The following PTPRD variants were observed in gnomAD, a reference collection of about 807,000 sequenced individuals.
The protein encoded by PTPRD is receptor-type tyrosine-protein phosphatase delta.
PTPRD carries 34 observed loss-of-function variants against 214.5 expected under a neutral mutation model. The ratio of observed to expected loss-of-function variants is 0.16; its 90% confidence interval spans 0.12 to 0.21. PTPRD has a LOEUF of 0.21. Ranked by LOEUF, PTPRD falls within the 10% of genes least tolerant of loss-of-function variation. PTPRD has a pLI of 1.00. For missense variants in PTPRD, 2,545 were observed against 2,398.7 expected (o/e 1.06, Z -1.27); for synonymous variants, 1,128 against 845.7 (o/e 1.33, Z -5.79).
intron 9 of PTPRD, among the ~76,000 whole-genome samples, chr9:9,205,248 C>G (rs2099944129): frequency 6.6e-6 from 1 of 152,108 alleles, no homozygotes; most frequent in African/African-American, 2.4e-5. Flanking sequence ...CATGTTGAAA[C>G]ATTAAGTAAA....
At chr9:9,111,088 T>C (rs1436070214) in intron 10 of PTPRD, among the ~76,000 whole-genome samples, 1 of 151,896 alleles carries the variant, frequency 6.6e-6, no homozygotes, top group Non-Finnish European at 1.5e-5. Flanking sequence ...GAAGTTAAAG[T>C]GAGCTATCTA....
At chr9:8,709,781 G>T (rs1282863094) in intron 12 of PTPRD, among the ~76,000 whole-genome samples, 1 of 152,046 alleles carries the variant, frequency 6.6e-6, no homozygotes, top group Admixed American at 6.6e-5. Flanking sequence ...CCAAATACAG[G>T]AATCAAAGAG....
rs199672347 is a variant in PTPRD at position 10,562,329 on chromosome 9, CT to C, written c.-600+50068del. Among the ~76,000 whole-genome samples, 1,393 of 144,720 alleles carry C rather than the reference CT, an allele frequency of 9.6e-3. 13 individuals carry two copies. Among genetic ancestry groups the C allele is most frequent in the African/African-American group, 0.022 (884 of 39,844 alleles). 94.9% of individuals were successfully genotyped at this position (144,720 alleles called of 152,430 possible). The stretch of plus-strand genomic sequence containing the variant: ...TATAATGTAATGAAATGTTCGTTAA[CT>C]TTTTTTTTTTTTTGCTGCCTGTATG... On this transcript the variant is annotated intron_variant, in intron 2 of 45. Transcript: ENST00000381196.
At chr9:8,578,987 T>A (rs1010146080) in intron 14 of PTPRD, among the ~76,000 whole-genome samples, 10 of 152,224 alleles carry the variant, frequency 6.6e-5, no homozygotes, top group African/African-American at 2.4e-4. Context: ...TATAAATATT[T>A]CAGAGGTGCT....
intron 9 of PTPRD, among the ~76,000 whole-genome samples, chr9:9,310,909 G>A (rs893336309): frequency 1.1e-4 from 17 of 147,924 alleles, no homozygotes; most frequent in African/African-American, 3.5e-4. Flanking sequence ...CAAGAGCAAA[G>A]CTGTGTCTCA....
chr9:9,836,113 G>C (rs1565634828), intron 5 of PTPRD, among the ~76,000 whole-genome samples: 1 of 152,290 alleles, frequency 6.6e-6, no homozygotes, highest in East Asian at 1.9e-4. Context: ...CATGGGCAGA[G>C]CCCAATGGTT....
chr9:9,445,232 C>G (rs980004468), intron 8 of PTPRD, among the ~76,000 whole-genome samples: 14 of 152,258 alleles, frequency 9.2e-5, no homozygotes, highest in African/African-American at 3.1e-4. Context: ...TAGAACCAAG[C>G]AATCATGCCT....
chr9:9,789,796 C>CAAAAAAAAAAAA (rs774579667), intron 5 of PTPRD, among the ~76,000 whole-genome samples: 1 of 40,828 alleles, frequency 2.4e-5, no homozygotes, highest in Non-Finnish European at 4.7e-5. Flanking sequence ...AACTCTGTCT[C>CAAAAAAAAAAAA]AAAAAAAAAA....
In PTPRD at chr9:9,853,733, G is replaced by T. The variant is rs150530616; in HGVS notation, c.-368+84774C>A. Among the ~76,000 whole-genome samples, 480 of 152,100 alleles carry T rather than the reference G, an allele frequency of 3.2e-3. 5 individuals are homozygous for T. Among genetic ancestry groups the T allele is most frequent in the Non-Finnish European group, 4.2e-3 (285 of 67,990 alleles). On this transcript the variant is annotated intron_variant, in intron 5 of 45. Coordinates refer to ENST00000381196, the MANE Select transcript of PTPRD (RefSeq NM_002839.4). ...CCAGCTAATGTTTGTATTTTTAGTA[G>T]AGACGGGGTTTCACCATGTTGGCCA...
At chr9:10,468,308 T>C (rs1175386089) in intron 2 of PTPRD, among the ~76,000 whole-genome samples, 3 of 152,274 alleles carry the variant, frequency 2.0e-5, no homozygotes, top group East Asian at 3.9e-4. Context: ...CACCATGGAA[T>C]ACTATGCAGC....
At chr9:10,302,845 G>A (rs555734258) in intron 3 of PTPRD, among the ~76,000 whole-genome samples, 1 of 152,216 alleles carries the variant, frequency 6.6e-6, no homozygotes, top group African/African-American at 2.4e-5. Context: ...GTCAATATTA[G>A]ACAGATCAAG....
chr9:8,775,468 A>G (rs1565962504), intron 11 of PTPRD, among the ~76,000 whole-genome samples: 1 of 152,222 alleles, frequency 6.6e-6, no homozygotes, highest in East Asian at 1.9e-4. Context: ...GGCCAAAATT[A>G]GGTGAGATGC....
intron 11 of PTPRD, among the ~76,000 whole-genome samples, chr9:9,014,415 G>C (rs518383): frequency 0.39 from 59,041 of 151,810 alleles, 11,762 homozygotes; most frequent in Middle Eastern, 0.48. Context: ...TAATAGTACA[G>C]CTTTTTACTT....
chr9:9,433,369 T>C (rs930867643), intron 8 of PTPRD, among the ~76,000 whole-genome samples: 1 of 152,196 alleles, frequency 6.6e-6, no homozygotes, highest in Non-Finnish European at 1.5e-5. Flanking sequence ...GGATTTATAA[T>C]GAGTATTGCA....
chr9:10,509,248 C>T (rs2047129318), intron 2 of PTPRD, among the ~76,000 whole-genome samples: 1 of 151,734 alleles, frequency 6.6e-6, no homozygotes, highest in African/African-American at 2.4e-5. Flanking sequence ...TTTCTATTTT[C>T]CTCATTCATC....
intron 4 of PTPRD, among the ~76,000 whole-genome samples, chr9:9,947,598 T>TTTTAA (rs1566625505): frequency 0.013 from 848 of 63,422 alleles, 21 homozygotes; most frequent in East Asian, 0.046. Context: ...ATATATATAA[T>TTTTAA]ATATATATTT....
intron 6 of PTPRD, among the ~76,000 whole-genome samples, chr9:9,758,899 C>T (rs959256366): frequency 3.3e-5 from 5 of 151,988 alleles, no homozygotes; most frequent in African/African-American, 1.2e-4. Flanking sequence ...AAAAATAAGA[C>T]ACTTTAATAA....
At chr9:10,338,935 G>A (rs1358769611) in intron 3 of PTPRD, among the ~76,000 whole-genome samples, 2 of 146,648 alleles carry the variant, frequency 1.4e-5, no homozygotes, top group Non-Finnish European at 3.1e-5. Context: ...TAAATATAAT[G>A]TAGACAAAAA....
chr9:9,596,532 T>C (rs747293192), intron 7 of PTPRD, among the ~76,000 whole-genome samples: 3 of 152,042 alleles, frequency 2.0e-5, no homozygotes, highest in East Asian at 1.9e-4. Context: ...TCATCTGATA[T>C]ATCATTTGTG....
Sources: allele counts gnomAD v4.1 joint callset (sites outside exome capture counted in the v4.1 genomes callset), GRCh38; gene constraint gnomAD v4.1.1; transcripts MANE v1.5; gene names NCBI Gene and HGNC (gene_info 2026-07-23, HGNC 2026-07-21).